RNF169: variants seen among roughly 807,000 people sequenced by gnomAD.
The protein encoded by RNF169 is ring finger protein 169.
A neutral mutation model predicts 53.9 loss-of-function variants in RNF169; 24 were observed. The observed-to-expected ratio is 0.45, with a 90% confidence interval of 0.32 to 0.63. The LOEUF is 0.63. Ranked by LOEUF, RNF169 falls within the 20% of genes least tolerant of loss-of-function variation. The pLI is 0.04. For synonymous variants in RNF169, 396 were observed against 363.5 expected, an observed-to-expected ratio of 1.09 and a Z score of -1.02; for missense variants, 883 against 906.2, an observed-to-expected ratio of 0.97 and a Z score of 0.33.
chr11:74,800,459 T>C (rs2135101958), intron 2 of RNF169, among the ~76,000 whole-genome samples: 1 of 152,332 alleles, frequency 6.6e-6, no homozygotes, highest in South Asian at 2.1e-4. Context: ...GCTCTGCCAC[T>C]TAATAGTGTG....
At chr11:74,790,011 G>C (rs925879875) in intron 2 of RNF169, among the ~76,000 whole-genome samples, 4 of 152,148 alleles carry the variant, frequency 2.6e-5, no homozygotes, top group Admixed American at 2.6e-4. Flanking sequence ...GCTAATAATT[G>C]CTTGTATTAT....
intron 1 of RNF169, among the ~76,000 whole-genome samples, chr11:74,762,570 C>T (rs1333299214): frequency 2.0e-5 from 3 of 152,176 alleles, no homozygotes; most frequent in Non-Finnish European, 2.9e-5. Flanking sequence ...AGAAATCACC[C>T]GTCTTCTGCG....
chr11:74,758,882 C>A (rs1404258719), intron 1 of RNF169, among the ~76,000 whole-genome samples: 1 of 149,786 alleles, frequency 6.7e-6, no homozygotes, highest in Non-Finnish European at 1.5e-5. Flanking sequence ...GGCATTGAAT[C>A]TGTAAATTAC....
At chr11:74,766,732 A>C (rs1565171855) in intron 1 of RNF169, among the ~76,000 whole-genome samples, 1 of 152,188 alleles carries the variant, frequency 6.6e-6, no homozygotes. Context: ...GGTTTCTCTA[A>C]TAATATATTT....
At chr11:74,815,218 C>A (rs1420561001) in intron 3 of RNF169, among the ~76,000 whole-genome samples, 1 of 152,090 alleles carries the variant, frequency 6.6e-6, no homozygotes, top group Non-Finnish European at 1.5e-5. Context: ...TTTGTCTGAA[C>A]AATTAGTTAT....
At chr11:74,826,816 G>A (rs188037657) in intron 4 of RNF169, among the ~76,000 whole-genome samples, 32 of 152,360 alleles carry the variant, frequency 2.1e-4, no homozygotes, top group African/African-American at 7.7e-4. Context: ...CTCACATTCA[G>A]GTCACACTGG....
intron 1 of RNF169, among the ~76,000 whole-genome samples, chr11:74,776,970 T>A (rs1350487782): frequency 6.6e-6 from 1 of 152,014 alleles, no homozygotes; most frequent in African/African-American, 2.4e-5. Flanking sequence ...GGGAAGCCAA[T>A]AAAAGTTATT....
intron 1 of RNF169, among the ~76,000 whole-genome samples, chr11:74,758,362 C>CT (rs1267547344): frequency 6.8e-6 from 1 of 146,580 alleles, no homozygotes; most frequent in African/African-American, 2.6e-5. Flanking sequence ...ATCTATATCT[C>CT]TGTTTTGGTA....
rs189709171 is a variant in RNF169 at position 74,810,354 on chromosome 11, G to C, written c.723+24G>C. On this transcript the variant is annotated intron_variant, in intron 3 of 5. Coordinates refer to ENST00000299563, the MANE Select transcript of RNF169 (RefSeq NM_001098638.2). ...GTGTAAGTAAATCACCTTTTTAATG[G>C]ATACCTGCCTCAAAAATCAGTGGTT... 4.4e-4 allele frequency: 709 copies of C among 1,610,258 alleles called. 2 individuals are homozygous for C. Among genetic ancestry groups the C allele is most frequent in the Non-Finnish European group, 7.5e-5 (88 of 1,178,080 alleles).
intron 1 of RNF169, among the ~76,000 whole-genome samples, chr11:74,786,217 G>A (rs2135075936): frequency 6.6e-6 from 1 of 151,120 alleles, no homozygotes; most frequent in East Asian, 1.9e-4. Flanking sequence ...GGGATTACAG[G>A]CGTGAGCCAC....
chr11:74,777,979 T>TC (rs919812926), intron 1 of RNF169, among the ~76,000 whole-genome samples: 1 of 152,124 alleles, frequency 6.6e-6, no homozygotes, highest in Non-Finnish European at 1.5e-5. Flanking sequence ...CAAACTACGG[T>TC]CAGCAGGCCA....
Position 74,836,093 on chromosome 11 carries a change from C to T in RNF169, c.1490C>T (p.Thr497Ile). The T allele has an allele frequency of 6.2e-7, 1 of 1,614,174 alleles. No individual in the cohort carries two copies. The highest frequency in any genetic ancestry group is 8.5e-7 in the Non-Finnish European group (1 of 1,180,042). Reference protein sequence around the residue: ...GQVLSEYTGPTSADLDHFPSV... With the variant: ...GQVLSEYTGPISADLDHFPSV... ...GTCCTCTCTGAGTATACTGGACCCA[C>T]CTCTGCTGATCTTGATCATTTCCCC... Residue 497 changes from threonine to isoleucine, a missense_variant, in exon 6 of 6, where the codon ACC becomes ATC. Thr to Ile is a moderately conservative substitution (Grantham distance 89). Coordinates refer to ENST00000299563, the MANE Select transcript of RNF169 (RefSeq NM_001098638.2).
intron 1 of RNF169, among the ~76,000 whole-genome samples, 153 bp from the exon 2 acceptor site, chr11:74,789,473 C>T (rs1055561285): frequency 2.6e-5 from 4 of 152,150 alleles, no homozygotes; most frequent in Non-Finnish European, 5.9e-5. Flanking sequence ...GTATACTTTC[C>T]TCTACCTTTT....
chr11:74,779,188 C>A (rs2135336367), intron 1 of RNF169, among the ~76,000 whole-genome samples: 1 of 152,078 alleles, frequency 6.6e-6, no homozygotes, highest in Non-Finnish European at 1.5e-5. Flanking sequence ...TAGATAGATT[C>A]CTAGAAATTA....
At position 74,836,107 on chromosome 11, in the gene RNF169, G is replaced by C; in HGVS notation, c.1504G>C (p.Asp502His). 4 of 1,614,138 alleles carry C rather than the reference G, an allele frequency of 2.5e-6. No individual in the cohort carries two copies. The highest frequency in any genetic ancestry group is 2.5e-6 in the Non-Finnish European group (3 of 1,180,030). Residue 502 changes from aspartate to histidine, a missense_variant, in exon 6 of 6, where the codon GAT becomes CAT. Around this residue, in one of 3 missense-constraint regions of RNF169, gnomAD observed 351 missense variants for 337.3 expected, o/e 1.04. Coordinates refer to ENST00000299563, the MANE Select transcript of RNF169 (RefSeq NM_001098638.2). ...EYTGPTSADL[D>H]HFPSVSQTKA... Reference sequence around the variant, plus strand: ...TACTGGACCCACCTCTGCTGATCTTGATCATTTCCCCTCTGTTAGCCAAAC... The same window carrying C: ...TACTGGACCCACCTCTGCTGATCTTCATCATTTCCCCTCTGTTAGCCAAAC...
At chr11:74,764,222 A>G (rs2035135597) in intron 1 of RNF169, among the ~76,000 whole-genome samples, 1 of 152,282 alleles carries the variant, frequency 6.6e-6, no homozygotes, top group Admixed American at 6.5e-5. Context: ...TCTGAATTTC[A>G]TACTCAGGTG....
intron 2 of RNF169, among the ~76,000 whole-genome samples, chr11:74,804,030 GA>G (rs558791495): frequency 2.7e-4 from 41 of 152,008 alleles, no homozygotes; most frequent in Admixed American, 2.2e-3. Context: ...ATTGATGAGA[GA>G]AAAAAAATCA....
At chr11:74,800,244 A>G (rs1256834405) in intron 2 of RNF169, among the ~76,000 whole-genome samples, 1 of 152,134 alleles carries the variant, frequency 6.6e-6, no homozygotes, top group Admixed American at 6.6e-5. Context: ...CTAAAATTGC[A>G]AACTTGGTTA....
In RNF169 at chr11:74,810,246, A is replaced by G; in HGVS notation, c.639A>G (p.Pro213=). The change falls in exon 3 of 6, where the codon CCA becomes CCG. Residue 213 remains proline (P), a synonymous_variant. Transcript: ENST00000299563. ...PSEDQIHKLL[P]EDTETGKRKM... ...AAGATCAAATCCACAAGCTGTTACC[A>G]GAGGATACAGAAACAGGGAAAAGGA... is the stretch of plus-strand genomic sequence containing the variant. 4 of 1,613,312 alleles carry G rather than the reference A, an allele frequency of 2.5e-6. No homozygotes were observed. Among genetic ancestry groups the G allele is most frequent in the Non-Finnish European group, 2.5e-6 (3 of 1,179,244 alleles).
Sources: gnomAD v4.1 joint callset for allele counts (sites outside exome capture counted in the v4.1 genomes callset) on GRCh38, gnomAD v4.1.1 for gene constraint, gnomAD v4.1.1 regional missense constraint, MANE v1.5 for transcripts, NCBI Gene and HGNC (gene_info 2026-07-23, HGNC 2026-07-21) for gene names.